KIAA1217: variants seen among roughly 807,000 people sequenced by gnomAD.
The protein encoded by KIAA1217 is sickle tail protein homolog.
In KIAA1217, 88 loss-of-function variants were observed where a neutral mutation model predicts 163.9. The ratio of observed to expected loss-of-function variants is 0.54; its 90% CI spans 0.45 to 0.64. The LOEUF is 0.64. KIAA1217 is among the 30% of genes least tolerant of loss of function. The probability of loss-of-function intolerance (pLI) is 0.00; values close to 1 mark genes in which losing one functional copy is unlikely to be tolerated. For missense variants in KIAA1217, 2,372 were observed against 2,475.0 expected (o/e 0.96, Z 0.88); for synonymous variants, 903 against 923.1 (o/e 0.98, Z 0.39).
intron 2 of KIAA1217, among the ~76,000 whole-genome samples, chr10:24,314,255 C>T (rs1050558308): frequency 1.3e-5 from 2 of 152,124 alleles, no homozygotes; most frequent in Non-Finnish European, 1.5e-5. Context: ...TAAATAGAAC[C>T]AACCACATGT....
chr10:24,331,239 G>A (rs906539416), intron 2 of KIAA1217, among the ~76,000 whole-genome samples: 9 of 152,168 alleles, frequency 5.9e-5, no homozygotes, highest in African/African-American at 1.7e-4. Context: ...CACCATGCCC[G>A]GCCAGTGAGG....
At chr10:23,791,551 C>T (rs143690457) in intron 1 of KIAA1217, among the ~76,000 whole-genome samples, 26 of 152,290 alleles carry the variant, frequency 1.7e-4, no homozygotes, top group Admixed American at 1.4e-3. Context: ...AATATCCAGT[C>T]AGTTCTCTAA....
At chr10:24,061,369 G>C (rs2060715351) in intron 2 of KIAA1217, among the ~76,000 whole-genome samples, 1 of 152,002 alleles carries the variant, frequency 6.6e-6, no homozygotes, top group South Asian at 2.1e-4. Context: ...TTCAGTTATA[G>C]TAAATTTAAT....
At chr10:23,974,392 T>A (rs904007651) in intron 1 of KIAA1217, among the ~76,000 whole-genome samples, 1 of 152,154 alleles carries the variant, frequency 6.6e-6, no homozygotes, top group Non-Finnish European at 1.5e-5. Flanking sequence ...ATTTCAACGG[T>A]GTGATATTGG....
At position 24,089,375 on chromosome 10, in the gene KIAA1217, C is replaced by G. The variant is rs1249193060; in HGVS notation, c.-171+82001C>G. Among the ~76,000 whole-genome samples the G allele has an allele frequency of 1.6e-5, 2 of 125,244 alleles. 1 individual carries two copies. The highest frequency in any genetic ancestry group is 3.9e-5 in the Non-Finnish European group (2 of 50,756). The allele number at this position is 125,244 out of a possible 152,430, so 82.2% of individuals were successfully genotyped here. A position where few individuals can be genotyped will look rare whatever the true frequency, so the allele number is the denominator to read the frequency against. Reference sequence around the variant, plus strand: ...TTAGTCATGAAGTCTTTGCCCATGCCTATGTCCCGAATGGTATTTCCTAGG... The same window carrying G: ...TTAGTCATGAAGTCTTTGCCCATGCGTATGTCCCGAATGGTATTTCCTAGG... On this transcript the variant is annotated intron_variant, in intron 2 of 18. Coordinates refer to the KIAA1217 transcript ENST00000376462.
chr10:24,128,608 TTCCGGGCC>T (rs2131800854), intron 2 of KIAA1217, among the ~76,000 whole-genome samples: 1 of 152,300 alleles, frequency 6.6e-6, no homozygotes, highest in South Asian at 2.1e-4. Context: ...TGAAAGGGGC[TTCCGGGCC>T]TCTACATGTG....
At chr10:23,849,324 A>C (rs1839192441) in intron 1 of KIAA1217, among the ~76,000 whole-genome samples, 1 of 152,106 alleles carries the variant, frequency 6.6e-6, no homozygotes, top group Non-Finnish European at 1.5e-5. Context: ...ATCATCATCC[A>C]TCCACATTTG....
chr10:23,872,293 AT>A (rs71472816), intron 1 of KIAA1217, among the ~76,000 whole-genome samples: 26,194 of 151,982 alleles, frequency 0.17, 2,345 homozygotes, highest in Middle Eastern at 0.21. Flanking sequence ...GGACCAATAG[AT>A]TTTAAAAGAC....
At chr10:23,724,772 C>A (rs1313213190) in intron 1 of KIAA1217, among the ~76,000 whole-genome samples, 1 of 152,166 alleles carries the variant, frequency 6.6e-6, no homozygotes, top group African/African-American at 2.4e-5. Context: ...TTTTATTTCC[C>A]TCCATAATAG....
chr10:24,391,437 TGGG>T (rs2054969005), intron 3 of KIAA1217, among the ~76,000 whole-genome samples: 1 of 147,526 alleles, frequency 6.8e-6, no homozygotes, highest in Admixed American at 7.0e-5. Context: ...CCTCCACCTC[TGGG>T]GTTCAGCAAT....
At chr10:24,106,868 T>C (rs1003572933) in intron 2 of KIAA1217, among the ~76,000 whole-genome samples, 2 of 152,210 alleles carry the variant, frequency 1.3e-5, no homozygotes, top group Non-Finnish European at 2.9e-5. Context: ...GGTTGGTTGG[T>C]TGGTTGGTTT....
At chr10:23,793,034 CATGTGGGAGAAGGGATGACAAGGG>C (rs66927741) in intron 1 of KIAA1217, among the ~76,000 whole-genome samples, 40,824 of 151,878 alleles carry the variant, frequency 0.27, 5,939 homozygotes, top group African/African-American at 0.37. Flanking sequence ...CATCACCTCT[CATGTGGGAGAAGGGATGACAAGGG>C]ATGTGGGAGA....
chr10:24,210,299 G>A (rs1012807479), intron 1 of KIAA1217, among the ~76,000 whole-genome samples: 1 of 152,292 alleles, frequency 6.6e-6, no homozygotes, highest in Non-Finnish European at 1.5e-5. Flanking sequence ...ATCCCCCAGT[G>A]AAATGCAGAA....
intron 2 of KIAA1217, among the ~76,000 whole-genome samples, chr10:24,304,419 C>G (rs1477265690): frequency 6.6e-6 from 1 of 151,912 alleles, no homozygotes; most frequent in Non-Finnish European, 1.5e-5. Context: ...CTGCATGGGG[C>G]ATTCATAGTT....
At position 24,444,667 on chromosome 10, in the gene KIAA1217, C is replaced by T. The variant is rs529884688; in HGVS notation, c.846+6188C>T. Among the ~76,000 whole-genome samples, 24 of 152,310 alleles carry T rather than the reference C, an allele frequency of 1.6e-4. No homozygotes were observed. The South Asian group carries it at 3.1e-3, about 20-fold the overall frequency. Reference sequence around the variant, plus strand: ...AAATGCCATATTATTCATTTTCTATCATTAATGAGGACCCACTGTAAAAAT... The same window carrying T: ...AAATGCCATATTATTCATTTTCTATTATTAATGAGGACCCACTGTAAAAAT... On this transcript the variant is annotated intron_variant, in intron 5 of 20. Coordinates refer to ENST00000376454, the MANE Select transcript of KIAA1217 (RefSeq NM_019590.5).
At chr10:24,153,552 C>T (rs1341217919) in intron 2 of KIAA1217, among the ~76,000 whole-genome samples, 5 of 152,092 alleles carry the variant, frequency 3.3e-5, no homozygotes, top group Non-Finnish European at 7.4e-5. Flanking sequence ...AGCCGGAGAC[C>T]GAGCTACTAA....
intron 4 of KIAA1217, among the ~76,000 whole-genome samples, chr10:24,434,183 C>T (rs889598662): frequency 1.3e-5 from 2 of 151,744 alleles, no homozygotes; most frequent in Non-Finnish European, 2.9e-5. Flanking sequence ...ATTACAGGCG[C>T]CCACCACCAG....
chr10:24,349,884 G>T (rs918363703), intron 2 of KIAA1217, among the ~76,000 whole-genome samples: 1 of 152,216 alleles, frequency 6.6e-6, no homozygotes, highest in Non-Finnish European at 1.5e-5. Context: ...GTAATGAAAA[G>T]CTTGTGTACT....
At position 24,359,432 on chromosome 10, in the gene KIAA1217, C is replaced by T. The variant is rs533742303; in HGVS notation, c.355-21437C>T. On this transcript the variant is annotated intron_variant, in intron 2 of 20. Coordinates refer to ENST00000376454, the MANE Select transcript of KIAA1217 (RefSeq NM_019590.5). ...TGAGAATATTAATTATTTCAAATTG[C>T]TCATAAATCTGCATTACTGTATGTC... 2.3e-3 allele frequency among the ~76,000 whole-genome samples: 348 copies of T among 152,252 alleles called. 2 individuals carry two copies. The highest frequency in any genetic ancestry group is 7.8e-3 in the African/African-American group (322 of 41,540).
Sources: allele counts gnomAD v4.1 joint callset (sites outside exome capture counted in the v4.1 genomes callset), GRCh38; gene constraint gnomAD v4.1.1; transcripts MANE v1.5; gene names NCBI Gene and HGNC (gene_info 2026-07-23, HGNC 2026-07-21).